Variants in DENND1A observed in about 807,000 individuals in gnomAD.
DENND1A encodes DENN domain containing 1A.
A neutral mutation model predicts 113.7 loss-of-function variants in DENND1A; 51 were observed. The observed-to-expected ratio is 0.45, with a 90% CI of 0.36 to 0.57. The LOEUF (loss-of-function observed/expected upper bound fraction) is 0.57. Among genes scored for constraint, DENND1A ranks in the 20% least tolerant of loss-of-function variants. The pLI is 0.00. For synonymous variants in DENND1A, 565 were observed against 570.8 expected, an observed-to-expected ratio of 0.99 and a Z score of 0.14; for missense variants, 1,258 against 1,395.9, an observed-to-expected ratio of 0.90 and a Z score of 1.57.
chr9:123,821,608 G>C, intron 2 of DENND1A, among the ~76,000 whole-genome samples: 1 of 152,206 alleles, frequency 6.6e-6, no homozygotes, highest in East Asian at 1.9e-4. Flanking sequence ...TAAGAAAGGA[G>C]ACAACCTAAG....
At chr9:123,857,486 A>G (rs1844392926) in intron 2 of DENND1A, among the ~76,000 whole-genome samples, 1 of 152,250 alleles carries the variant, frequency 6.6e-6, no homozygotes, top group African/African-American at 2.4e-5. Flanking sequence ...AAAAAGGAGT[A>G]AGTAAGGAGG....
intron 13 of DENND1A, among the ~76,000 whole-genome samples, chr9:123,553,647 A>G (rs1399315978): frequency 1.3e-5 from 2 of 152,256 alleles, no homozygotes; most frequent in Non-Finnish European, 2.9e-5. Context: ...CCAAAAATGT[A>G]AAAACAAAAG....
intron 10 of DENND1A, among the ~76,000 whole-genome samples, chr9:123,611,153 G>A (rs2060401643): frequency 6.6e-6 from 1 of 152,216 alleles, no homozygotes; most frequent in African/African-American, 2.4e-5. Context: ...CACAATTGCA[G>A]TGAAAGTGGA....
chr9:123,810,569 A>AC (rs1430985124), intron 2 of DENND1A, among the ~76,000 whole-genome samples: 4 of 150,052 alleles, frequency 2.7e-5, no homozygotes, highest in African/African-American at 9.8e-5. Flanking sequence ...AAAAAAAAAA[A>AC]CAAACATACT....
chr9:123,509,900 C>A (rs531518007), intron 13 of DENND1A, among the ~76,000 whole-genome samples: 1 of 152,330 alleles, frequency 6.6e-6, no homozygotes, highest in South Asian at 2.1e-4. Context: ...ATCTCCAATG[C>A]CTCTATCTCC....
rs370210297 is a variant in DENND1A at position 123,903,649 on chromosome 9, T to C, written c.18-24628A>G. On this transcript the variant is annotated intron_variant, in intron 1 of 23. Coordinates refer to ENST00000394215, the MANE Select transcript of DENND1A (RefSeq NM_001352964.2). Reference sequence around the variant, plus strand: ...AAATTGGGTCACTCCCACCCGAATATTGCGCTTTTCGGACCGGCTTAAAAA... The same window carrying C: ...AAATTGGGTCACTCCCACCCGAATACTGCGCTTTTCGGACCGGCTTAAAAA... Among the ~76,000 whole-genome samples the C allele has an allele frequency of 1.2e-4, 18 of 152,260 alleles. No homozygotes were observed. The East Asian group carries it at 2.1e-3, about 18-fold the overall frequency.
intron 11 of DENND1A, among the ~76,000 whole-genome samples, chr9:123,584,054 C>G (rs995353150): frequency 4.6e-5 from 7 of 152,174 alleles, no homozygotes; most frequent in Non-Finnish European, 8.8e-5. Context: ...TTTAATCACA[C>G]TATTTATCCG....
At chr9:123,582,128 C>T (rs1039619481) in intron 12 of DENND1A, among the ~76,000 whole-genome samples, 6 of 152,118 alleles carry the variant, frequency 3.9e-5, no homozygotes, top group African/African-American at 9.7e-5. Context: ...CACTGCCACC[C>T]GATACTCTAC....
intron 5 of DENND1A, among the ~76,000 whole-genome samples, chr9:123,734,729 C>T (rs776368923): frequency 3.9e-5 from 6 of 152,112 alleles, no homozygotes; most frequent in East Asian, 3.8e-4. Context: ...AGAGAATGCA[C>T]GTGAATGTTC....
At chr9:123,401,621 A>C (rs76835710) in intron 21 of DENND1A, 1 of 1,436,952 alleles carries the variant, frequency 7.0e-7, no homozygotes, top group South Asian at 1.5e-5. Flanking sequence ...TTCAACCCCA[A>C]ATATTTTCCA....
intron 13 of DENND1A, among the ~76,000 whole-genome samples, chr9:123,503,913 T>C (rs1018799835): frequency 6.6e-6 from 1 of 152,208 alleles, no homozygotes; most frequent in Non-Finnish European, 1.5e-5. Flanking sequence ...TCGTTCCCTG[T>C]GTGCTTCTGA....
chr9:123,403,441 G>A lies in DENND1A; in HGVS notation c.1592C>T (p.Ala531Val). 1 of 1,614,192 alleles carries A rather than the reference G, an allele frequency of 6.2e-7. No homozygotes were observed. Among genetic ancestry groups the A allele is most frequent in the South Asian group, 1.1e-5 (1 of 91,074 alleles). The change falls in exon 21 of 24, where the codon GCA (alanine) becomes GTA (valine). Residue 531 changes from alanine (A) to valine (V), a missense_variant. Coordinates refer to ENST00000394215, the MANE Select transcript of DENND1A (RefSeq NM_001352964.2). Reference sequence around the variant, plus strand: ...CACAGACGTCCTCCGGCCTTCCACTGCGATGTTGCTCTTTGGTCTCTTAAC... The same window carrying A: ...CACAGACGTCCTCCGGCCTTCCACTACGATGTTGCTCTTTGGTCTCTTAAC... ...HVVKRPKSNI[A>V]VEGRRTSVPS...
intron 13 of DENND1A, among the ~76,000 whole-genome samples, chr9:123,496,177 T>C (rs1381728544): frequency 6.6e-6 from 1 of 152,244 alleles, no homozygotes; most frequent in East Asian, 1.9e-4. Context: ...AATGACTGTT[T>C]GTACTCAGGG....
intron 9 of DENND1A, among the ~76,000 whole-genome samples, chr9:123,633,385 A>T (rs2061565067): frequency 6.6e-6 from 1 of 152,060 alleles, no homozygotes; most frequent in African/African-American, 2.4e-5. Context: ...TTTTACTTAG[A>T]ATATACTCAC....
chr9:123,782,302 T>C (rs535739407), intron 3 of DENND1A, among the ~76,000 whole-genome samples: 3 of 152,140 alleles, frequency 2.0e-5, no homozygotes, highest in Non-Finnish European at 4.4e-5. Flanking sequence ...CCGCTAAAAC[T>C]AGATACTACA....
chr9:123,865,159 A>G (rs1028227030), intron 2 of DENND1A, among the ~76,000 whole-genome samples: 5 of 152,204 alleles, frequency 3.3e-5, no homozygotes, highest in Non-Finnish European at 5.9e-5. Flanking sequence ...TAAACTGTGT[A>G]ATTAAAAAAA....
chr9:123,826,627 C>T (rs935463707), intron 2 of DENND1A, among the ~76,000 whole-genome samples: 5 of 152,226 alleles, frequency 3.3e-5, no homozygotes, highest in Admixed American at 1.3e-4. Context: ...TAGCTCTCCC[C>T]TTTTCACCTT....
intron 18 of DENND1A, among the ~76,000 whole-genome samples, chr9:123,448,287 A>G (rs1316949450): frequency 1.3e-5 from 2 of 152,236 alleles, no homozygotes; most frequent in Non-Finnish European, 2.9e-5. Context: ...ACATTAAAAA[A>G]TCTGAGCTTA....
intron 12 of DENND1A, among the ~76,000 whole-genome samples, chr9:123,571,077 A>AT (rs368824177): frequency 2.7e-4 from 40 of 146,698 alleles, no homozygotes; most frequent in African/African-American, 3.5e-4. Context: ...TGCCAACCTC[A>AT]TTTTTTTTTT....
Sources: gnomAD v4.1 joint callset for allele counts (sites outside exome capture counted in the v4.1 genomes callset) on GRCh38, gnomAD v4.1.1 for gene constraint, MANE v1.5 for transcripts, NCBI Gene and HGNC (gene_info 2026-07-23, HGNC 2026-07-21) for gene names.